Variants in KIF14 observed in about 807,000 individuals in gnomAD.
KIF14 encodes kinesin family member 14, also known as kinesin-like protein KIF14.
Under a neutral mutation model 176.2 loss-of-function variants are expected in KIF14, and 98 were observed. The observed-to-expected ratio is 0.56, with a 90% CI of 0.47 to 0.66. KIF14 has a LOEUF of 0.66. KIF14 is among the 30% of genes least tolerant of loss of function. The probability of loss-of-function intolerance (pLI) is 0.00; values close to 1 mark genes in which losing one functional copy is unlikely to be tolerated. For synonymous variants in KIF14, 566 were observed against 632.2 expected (o/e 0.90, Z 1.57); for missense variants, 1,751 against 1,920.4 (o/e 0.91, Z 1.65).
chr1:200,591,053 A>G (rs1659030249), intron 16 of KIF14, among the ~76,000 whole-genome samples: 1 of 152,084 alleles, frequency 6.6e-6, no homozygotes, highest in South Asian at 2.1e-4. Flanking sequence ...ACAAACAAAA[A>G]AAAAACCACA....
chr1:200,595,958 T>C (rs1197926912), intron 14 of KIF14, among the ~76,000 whole-genome samples: 1 of 132,698 alleles, frequency 7.5e-6, no homozygotes, highest in Non-Finnish European at 1.6e-5. Context: ...AAAAAAGATA[T>C]AAAGATTCAT....
intron 19 of KIF14, among the ~76,000 whole-genome samples, chr1:200,582,458 G>A (rs1658513787): frequency 2.0e-5 from 3 of 152,096 alleles, no homozygotes. Flanking sequence ...CTTTTTGGAA[G>A]GATAAACTCA....
chr1:200,565,407 C>G (rs1273170573), intron 24 of KIF14, 38 bp downstream of exon 24: 2 of 1,500,240 alleles, frequency 1.3e-6, no homozygotes, highest in Non-Finnish European at 1.8e-6. Flanking sequence ...AGAAAATAAT[C>G]ATTTATGTGA....
Position 200,576,054 on chromosome 1 carries a change from G to T in KIF14, c.3466-363C>A, listed in dbSNP as rs1245404539. Among the ~76,000 whole-genome samples the T allele has an allele frequency of 6.6e-5, 10 of 152,148 alleles. No individual in the cohort carries two copies. In the East Asian group the frequency reaches 1.9e-3, roughly 29 times the overall value. Reference sequence around the variant, plus strand: ...CTTCCTGGTCGAATATATTGATCAGGATTACAGTCTATATTTTACATATTT... The same window carrying T: ...CTTCCTGGTCGAATATATTGATCAGTATTACAGTCTATATTTTACATATTT... On this transcript the variant is annotated intron_variant, in intron 21 of 29. Transcript: ENST00000367350.
chr1:200,597,214 T>C (rs1455614074), intron 14 of KIF14, among the ~76,000 whole-genome samples: 1 of 151,784 alleles, frequency 6.6e-6, no homozygotes, highest in Non-Finnish European at 1.5e-5. Flanking sequence ...AAACTGACAA[T>C]CATAAAGGAA....
rs539743385 is a variant in KIF14 at position 200,606,900 on chromosome 1, G to A, written c.1555-102C>T. The A allele has an allele frequency of 5.0e-5, 48 of 951,312 alleles. No individual in the cohort carries two copies. The African/African-American group carries it at 7.7e-4, about 15-fold the overall frequency. 58.9% of individuals were successfully genotyped at this position (951,312 alleles called of 1,614,324 possible). On this transcript the variant is annotated intron_variant, in intron 5 of 29. Coordinates refer to ENST00000367350, the MANE Select transcript of KIF14 (RefSeq NM_014875.3). ...ATCTTGAGTTTAAGGTAAGAGATTT[G>A]TCTTTATTTTATCCAGGAAAAAAAA...
chr1:200,609,768 T>C (rs865833884), intron 4 of KIF14, among the ~76,000 whole-genome samples: 11 of 152,176 alleles, frequency 7.2e-5, no homozygotes, highest in East Asian at 1.9e-4. Flanking sequence ...CTATTCACAA[T>C]AGCCAAAAGG....
intron 5 of KIF14, among the ~76,000 whole-genome samples, chr1:200,608,434 G>A (rs924843039): frequency 1.1e-4 from 16 of 149,452 alleles, no homozygotes; most frequent in Non-Finnish European, 1.5e-4. Flanking sequence ...GCTTGATCTC[G>A]GCTCACTGCA....
At chr1:200,558,795 T>C (rs1459185784) in intron 27 of KIF14, among the ~76,000 whole-genome samples, 1 of 152,214 alleles carries the variant, frequency 6.6e-6, no homozygotes, top group Non-Finnish European at 1.5e-5. Context: ...ACATGTCTTC[T>C]AATATTAAAA....
At position 200,551,617 on chromosome 1, in the gene KIF14, T is replaced by C. The variant is rs1246755865; in HGVS notation, c.*1771A>G. The C allele has an allele frequency of 6.6e-6, 1 of 152,212 alleles. No individual in the cohort carries two copies. The highest frequency in any genetic ancestry group is 1.9e-4 in the East Asian group (1 of 5,202). The allele number at this position is 152,212 out of a possible 1,614,324, so 9.4% of individuals were successfully genotyped here. ...CATTCAAATACAGTATCACAATGTG[T>C]TTAGTATAAATATGTATACAAAATT... On this transcript the variant is annotated 3_prime_UTR_variant, in exon 30 of 30. Transcript: ENST00000367350.
rs146217045 is a variant in KIF14, at chr1:200,620,535, C to T, written c.-240G>A. ...GCCCTTCGTTCGGGGACCCCTTCGC[C>T]GCCGACCTGGAATGCTGAGGAACTG... On this transcript the variant is annotated 5_prime_UTR_variant, in exon 1 of 30. Transcript: ENST00000367350. The T allele has an allele frequency of 2.6e-5, 4 of 152,450 alleles. No homozygotes were observed. The East Asian group carries it at 7.7e-4, about 29-fold the overall frequency. The allele number at this position is 152,450 out of a possible 1,614,324, so 9.4% of individuals were successfully genotyped here. A position where few individuals can be genotyped will look rare whatever the true frequency, so the allele number is the denominator to read the frequency against.
chr1:200,560,709 A>C lies in KIF14; in HGVS notation c.4230+13T>G. 4 of 1,614,032 alleles carry C rather than the reference A, an allele frequency of 2.5e-6. No individual in the cohort carries two copies. Among genetic ancestry groups the C allele is most frequent in the Non-Finnish European group, 3.4e-6 (4 of 1,179,868 alleles). ...TCAGATGAAGTCTGTCTGAACTAAC[A>C]TTGCTAAATTACCTGGACACTGGCA... On this transcript the variant is annotated intron_variant, in intron 26 of 29. Transcript: ENST00000367350.
intron 16 of KIF14, 21 bp from the exon 17 acceptor site, chr1:200,590,293 T>C (rs746719129): frequency 4.2e-5 from 68 of 1,602,044 alleles, no homozygotes; most frequent in Non-Finnish European, 5.7e-5. Context: ...GCAAGATGTT[T>C]ATAGGGTACA....
intron 18 of KIF14, 27 bp from the exon 19 acceptor site, chr1:200,586,254 C>T (rs781675362): frequency 6.6e-7 from 1 of 1,507,600 alleles, no homozygotes; most frequent in Non-Finnish European, 8.9e-7. Flanking sequence ...CATACAGACC[C>T]ACATGTGAGA....
rs1324796856 is a variant in KIF14, at chr1:200,589,361, C to T, written c.2970G>A (p.Glu990=). The change falls in exon 18 of 30, where the codon GAG becomes GAA. Residue 990 remains glutamate (E), a synonymous_variant. Transcript: ENST00000367350. Reference sequence around the variant, plus strand: ...TTTCCTGCATTTTTTTCCTTTGAGACTCTTCTCTCTTTAAAGAACAATAAT... The same window carrying T: ...TTTCCTGCATTTTTTTCCTTTGAGATTCTTCTCTCTTTAAAGAACAATAAT... The part of the protein sequence containing the change: ...IKALEAELRE[E]SQRKKMQEIN... 2.5e-6 allele frequency: 4 copies of T among 1,601,894 alleles called. No individual in the cohort carries two copies. Among genetic ancestry groups the T allele is most frequent in the Admixed American group, 1.7e-5 (1 of 58,322 alleles).
chr1:200,608,099 A>G lies in KIF14; in HGVS notation c.1554+731T>C, dbSNP rs559641356. On this transcript the variant is annotated intron_variant, in intron 5 of 29. Coordinates refer to ENST00000367350, the MANE Select transcript of KIF14 (RefSeq NM_014875.3). ...TTTAAAAAAGATTATATAATTGTGAAACTTTCTATTTCACAGATTATCTAC... is the reference window on the plus strand; with the variant it reads ...TTTAAAAAAGATTATATAATTGTGAGACTTTCTATTTCACAGATTATCTAC... Among the ~76,000 whole-genome samples the G allele has an allele frequency of 8.3e-4, 126 of 152,238 alleles. No homozygotes were observed. In the South Asian group the frequency reaches 9.3e-3, roughly 11 times the overall value.
intron 14 of KIF14, among the ~76,000 whole-genome samples, chr1:200,595,760 C>T (rs1030881810): frequency 6.6e-6 from 1 of 151,308 alleles, no homozygotes; most frequent in African/African-American, 2.4e-5. Flanking sequence ...ACGAGCCTGG[C>T]CAACATGATG....
chr1:200,600,456 G>T lies in KIF14; in HGVS notation c.2200C>A (p.Arg734=), dbSNP rs368701197. 4 of 1,613,386 alleles carry T rather than the reference G, an allele frequency of 2.5e-6. No homozygotes were observed. The highest frequency in any genetic ancestry group is 1.1e-5 in the South Asian group (1 of 91,052). Residue 734 remains arginine, a synonymous_variant, in exon 12 of 30, where the codon CGG becomes AGG. Transcript: ENST00000367350. ...AKLKAAQRNS[R]NIDPERYRLC... ...CTGTATCGTTCAGGGTCAATATTCC[G>T]ACTGTTTCTCTGAGCAGCTTTTAGC...
chr1:200,599,935 CAGTATATAGTAAGTATTTG>C lies in KIF14; in HGVS notation c.2364+96_2364+114del, dbSNP rs1659541954. 67 of 651,420 alleles carry C rather than the reference CAGTATATAGTAAGTATTTG, an allele frequency of 1.0e-4. No homozygotes were observed. In the South Asian group the frequency reaches 1.3e-3, roughly 13 times the overall value. The allele number at this position is 651,420 out of a possible 1,614,324, so 40.4% of individuals were successfully genotyped here. A position where few individuals can be genotyped will look rare whatever the true frequency, so the allele number is the denominator to read the frequency against. ...CTTACGGTATTGCTTTGTACAGAGT[CAGTATATAGTAAGTATTTG>C]AAACATTAAATTTACATGCATTGGC... On this transcript the variant is annotated intron_variant, in intron 13 of 29. Coordinates refer to ENST00000367350, the MANE Select transcript of KIF14 (RefSeq NM_014875.3).
Sources: gnomAD v4.1 joint callset for allele counts (sites outside exome capture counted in the v4.1 genomes callset) on GRCh38, gnomAD v4.1.1 for gene constraint, MANE v1.5 for transcripts, NCBI Gene and HGNC (gene_info 2026-07-23, HGNC 2026-07-21) for gene names.